Variants in SLC25A21 observed in about 807,000 individuals in gnomAD.
SLC25A21 encodes the protein mitochondrial 2-oxodicarboxylate carrier.
SLC25A21 carries 47 observed loss-of-function variants against 43.8 expected under a neutral mutation model. That is an observed-to-expected ratio of 1.07 (90% CI 0.85 to 1.37). The LOEUF (loss-of-function observed/expected upper bound fraction) is 1.37. SLC25A21 is among the 40% of genes most tolerant of loss of function. The pLI, the probability that SLC25A21 is intolerant of heterozygous loss-of-function variation, is 0.00. For missense variants in SLC25A21, 352 were observed against 350.2 expected (o/e 1.00, Z -0.04); for synonymous variants, 131 against 121.3 (o/e 1.08, Z -0.52).
intron 5 of SLC25A21, among the ~76,000 whole-genome samples, chr14:36,728,234 G>A (rs973034260): frequency 3.9e-5 from 6 of 152,158 alleles, no homozygotes; most frequent in Admixed American, 6.5e-5. Flanking sequence ...GAGAAGAACC[G>A]TACACAGTTG....
Position 36,703,064 on chromosome 14 carries a change from G to GA in SLC25A21, c.603+8253dup, listed in dbSNP as rs772963435. Among the ~76,000 whole-genome samples, 114 of 152,290 alleles carry GA rather than the reference G, an allele frequency of 7.5e-4. 1 individual carries two copies. The highest frequency in any genetic ancestry group is 2.5e-3 in the South Asian group (12 of 4,824). ...TTTTTCCCCAGTGGTTTCTAGAAAG[G>GA]AGAGTTTTTCTTAATGAAACTTTAA... On this transcript the variant is annotated intron_variant, in intron 7 of 9. Transcript: ENST00000331299.
At chr14:37,047,801 G>A (rs10136755) in intron 1 of SLC25A21, among the ~76,000 whole-genome samples, 50,857 of 151,930 alleles carry the variant, frequency 0.33, 8,794 homozygotes, top group African/African-American at 0.39. Context: ...TTCATGCAAG[G>A]TAGATGTGAT....
At chr14:37,109,892 T>C (rs926451725) in intron 1 of SLC25A21, among the ~76,000 whole-genome samples, 1 of 152,188 alleles carries the variant, frequency 6.6e-6, no homozygotes, top group Non-Finnish European at 1.5e-5. Flanking sequence ...ATGAGTAATA[T>C]TTTCCAGTTA....
chr14:36,695,532 C>T (rs1882979591), intron 7 of SLC25A21, among the ~76,000 whole-genome samples: 1 of 152,172 alleles, frequency 6.6e-6, no homozygotes, highest in South Asian at 2.1e-4. Flanking sequence ...ATTGATTCTT[C>T]CTATCCATGA....
At chr14:37,078,337 C>T (rs1224325370) in intron 1 of SLC25A21, among the ~76,000 whole-genome samples, 2 of 152,014 alleles carry the variant, frequency 1.3e-5, no homozygotes, top group Non-Finnish European at 2.9e-5. Flanking sequence ...TCTTGGTGTC[C>T]AAGACTTCCA....
intron 1 of SLC25A21, among the ~76,000 whole-genome samples, chr14:37,089,554 C>G (rs1224382518): frequency 6.6e-6 from 1 of 152,168 alleles, no homozygotes; most frequent in Non-Finnish European, 1.5e-5. Flanking sequence ...TTTTTATTAT[C>G]CACCTGGCCA....
chr14:37,104,711 A>C (rs551145261), intron 1 of SLC25A21, among the ~76,000 whole-genome samples: 28 of 152,344 alleles, frequency 1.8e-4, no homozygotes, highest in African/African-American at 6.7e-4. Flanking sequence ...AATGAAACTA[A>C]GGCTTAAAGA....
intron 5 of SLC25A21, among the ~76,000 whole-genome samples, chr14:36,728,760 T>C (rs376182974): frequency 3.8e-4 from 58 of 152,350 alleles, no homozygotes; most frequent in African/African-American, 1.4e-3. Flanking sequence ...TCCTAGAGGC[T>C]GGAGTACATT....
chr14:37,165,339 T>C (rs1964013301), intron 1 of SLC25A21, among the ~76,000 whole-genome samples: 1 of 151,676 alleles, frequency 6.6e-6, no homozygotes, highest in Non-Finnish European at 1.5e-5. Flanking sequence ...ATTGCGCCAC[T>C]GTACTCCAGC....
chr14:36,735,374 A>G (rs1185912739), intron 3 of SLC25A21, among the ~76,000 whole-genome samples: 2 of 151,834 alleles, frequency 1.3e-5, no homozygotes, highest in Non-Finnish European at 2.9e-5. Flanking sequence ...TGGAATCTTC[A>G]TATATATGCC....
At chr14:36,979,604 T>C (rs1170701339) in intron 1 of SLC25A21, among the ~76,000 whole-genome samples, 1 of 152,138 alleles carries the variant, frequency 6.6e-6, no homozygotes, top group Non-Finnish European at 1.5e-5. Flanking sequence ...GATCCACCTA[T>C]CTTGACCTCT....
At chr14:36,809,308 A>G (rs997026336) in intron 3 of SLC25A21, among the ~76,000 whole-genome samples, 1 of 152,104 alleles carries the variant, frequency 6.6e-6, no homozygotes. Flanking sequence ...TTCATTTTCT[A>G]TGAGTTCTCT....
chr14:37,163,359 C>T (rs190347414), intron 1 of SLC25A21, among the ~76,000 whole-genome samples: 9 of 151,938 alleles, frequency 5.9e-5, no homozygotes, highest in Admixed American at 5.9e-4. Flanking sequence ...GTTTGTGGTG[C>T]ATTTTTCTGG....
At chr14:36,952,364 C>T (rs1892834509) in intron 1 of SLC25A21, 1 of 152,654 alleles carries the variant, frequency 6.6e-6, no homozygotes, top group Non-Finnish European at 1.5e-5. Flanking sequence ...TATGTAAATT[C>T]TATTTCCTGC....
intron 2 of SLC25A21, among the ~76,000 whole-genome samples, chr14:36,851,455 A>C (rs1889733468): frequency 6.6e-6 from 1 of 152,218 alleles, no homozygotes; most frequent in Non-Finnish European, 1.5e-5. Context: ...TCACCTTGGA[A>C]TATTCAATAG....
rs138653781 is a variant in SLC25A21 at position 37,014,592 on chromosome 14, G to A, written c.71-139588C>T. Among the ~76,000 whole-genome samples the A allele has an allele frequency of 9.3e-3, 1,415 of 152,184 alleles. 27 individuals are homozygous for A. The highest frequency in any genetic ancestry group is 0.031 in the African/African-American group (1,283 of 41,518). The stretch of plus-strand genomic sequence containing the variant: ...TGGAATTAATTTTTTCCAAACTCCT[G>A]TCAATGTTGATATTTTGACCTCCTC... On this transcript the variant is annotated intron_variant, in intron 1 of 9. Coordinates refer to ENST00000331299, the MANE Select transcript of SLC25A21 (RefSeq NM_030631.4).
chr14:37,019,277 T>C (rs1217126362), intron 1 of SLC25A21, among the ~76,000 whole-genome samples: 3 of 151,884 alleles, frequency 2.0e-5, no homozygotes, highest in Non-Finnish European at 4.4e-5. Flanking sequence ...TGGAACTTTG[T>C]ATGTGCTTCT....
intron 1 of SLC25A21, among the ~76,000 whole-genome samples, chr14:36,956,654 T>C (rs1317391506): frequency 6.6e-6 from 1 of 152,204 alleles, no homozygotes; most frequent in East Asian, 1.9e-4. Flanking sequence ...TTTAGATACA[T>C]GGAACTTCAA....
intron 1 of SLC25A21, among the ~76,000 whole-genome samples, chr14:37,088,109 T>C (rs1006241609): frequency 6.6e-6 from 1 of 152,228 alleles, no homozygotes; most frequent in Admixed American, 6.5e-5. Flanking sequence ...TTGGGATGCA[T>C]TATGTATTTA....
Sources: allele counts gnomAD v4.1 joint callset (sites outside exome capture counted in the v4.1 genomes callset), GRCh38; gene constraint gnomAD v4.1.1; transcripts MANE v1.5; gene names NCBI Gene and HGNC (gene_info 2026-07-23, HGNC 2026-07-21).